Variants in NELL1 observed in about 807,000 individuals in gnomAD.
NELL1 encodes neural EGFL like 1.
In NELL1, 76 loss-of-function variants were observed where a neutral mutation model predicts 107.4. The ratio of observed to expected loss-of-function variants is 0.71; its 90% CI spans 0.59 to 0.86. The LOEUF (loss-of-function observed/expected upper bound fraction) is 0.86. Ranked by LOEUF, NELL1 falls within the 40% of genes least tolerant of loss-of-function variation. NELL1 has a pLI of 0.00. For synonymous variants in NELL1, 353 were observed against 341.2 expected (o/e 1.03, Z -0.38); for missense variants, 1,024 against 1,005.5 (o/e 1.02, Z -0.25).
chr11:21,520,280 A>G (rs761549426), intron 15 of NELL1, among the ~76,000 whole-genome samples: 4 of 152,110 alleles, frequency 2.6e-5, no homozygotes, highest in Admixed American at 6.6e-5. Flanking sequence ...TCAGTTTAAG[A>G]TATCTCAAGT....
chr11:20,723,736 G>A (rs1317279971), intron 2 of NELL1, among the ~76,000 whole-genome samples: 1 of 152,094 alleles, frequency 6.6e-6, no homozygotes, highest in African/African-American at 2.4e-5. Flanking sequence ...ACTCTGTGGG[G>A]GGGGGCTCCA....
chr11:21,328,249 C>T (rs1172146094), intron 14 of NELL1, among the ~76,000 whole-genome samples: 1 of 152,026 alleles, frequency 6.6e-6, no homozygotes, highest in African/African-American at 2.4e-5. Context: ...GTCCTATGTC[C>T]TAGATGTTTC....
In NELL1 at chr11:20,927,340, G is replaced by A. The variant is rs1187958922; in HGVS notation, c.792G>A (p.Leu264=). The A allele has an allele frequency of 1.2e-6, 2 of 1,612,474 alleles. No homozygotes were observed. Among genetic ancestry groups the A allele is most frequent in the Non-Finnish European group, 1.7e-6 (2 of 1,179,586 alleles). ...LNYAETRLSQ[L]ENCHCEKTCQ... ...ATGCAGAGACAAGACTTAGTCAATT[G>A]GAAAACTGTCATTGTGAGAAGACTT... Residue 264 remains leucine, a synonymous_variant, in exon 8 of 20, where the codon TTG becomes TTA. Coordinates refer to ENST00000357134, the MANE Select transcript of NELL1 (RefSeq NM_006157.5).
chr11:20,902,498 C>G (rs901852454), intron 5 of NELL1, among the ~76,000 whole-genome samples: 2 of 151,994 alleles, frequency 1.3e-5, no homozygotes. Context: ...AGTCATTGAG[C>G]AATGGATTCT....
rs143012355 is a variant in NELL1, at chr11:21,306,537, G to A, written c.1550-64316G>A. On this transcript the variant is annotated intron_variant, in intron 14 of 19. Coordinates refer to ENST00000357134, the MANE Select transcript of NELL1 (RefSeq NM_006157.5). ...ACCTCTGCACTAATTGCAGTATGTC[G>A]ATGTTTTTATTTTCTTTCTCATTGG... Among the ~76,000 whole-genome samples, 67 of 152,096 alleles carry A rather than the reference G, an allele frequency of 4.4e-4. No homozygotes were observed. In the East Asian group the frequency reaches 0.011, roughly 26 times the overall value.
intron 12 of NELL1, among the ~76,000 whole-genome samples, chr11:20,985,066 C>T (rs934306818): frequency 3.9e-5 from 6 of 152,230 alleles, no homozygotes; most frequent in African/African-American, 1.4e-4. Flanking sequence ...TTCACCTGGT[C>T]AACTTACAGA....
intron 15 of NELL1, among the ~76,000 whole-genome samples, chr11:21,447,890 T>C (rs1469824930): frequency 6.6e-6 from 1 of 152,160 alleles, no homozygotes; most frequent in Non-Finnish European, 1.5e-5. Context: ...GCAGTGCCAG[T>C]GCTTCCCAGT....
chr11:21,282,991 G>A (rs150953308), intron 14 of NELL1, among the ~76,000 whole-genome samples: 1 of 151,926 alleles, frequency 6.6e-6, no homozygotes, highest in Admixed American at 6.6e-5. Context: ...TGGACTCATG[G>A]AGATAGAAAG....
intron 4 of NELL1, among the ~76,000 whole-genome samples, chr11:20,873,938 ATTTTTTG>A (rs1849254073): frequency 6.6e-6 from 1 of 151,574 alleles, no homozygotes; most frequent in Admixed American, 6.6e-5. Context: ...TAACTTTTTT[ATTTTTTG>A]TAGAGATGTG....
At chr11:21,296,226 T>A (rs1347228088) in intron 14 of NELL1, among the ~76,000 whole-genome samples, 2 of 151,970 alleles carry the variant, frequency 1.3e-5, no homozygotes, top group African/African-American at 2.4e-5. Context: ...AGAAACTATT[T>A]TGGGGAGAAA....
intron 14 of NELL1, among the ~76,000 whole-genome samples, chr11:21,356,552 C>T (rs532580231): frequency 7.2e-5 from 11 of 152,148 alleles, no homozygotes; most frequent in East Asian, 3.9e-4. Context: ...TTGTCCTCCG[C>T]GCAAACACTG....
chr11:21,431,108 G>A (rs973141956), intron 15 of NELL1, among the ~76,000 whole-genome samples: 2 of 152,050 alleles, frequency 1.3e-5, no homozygotes, highest in Non-Finnish European at 2.9e-5. Context: ...GATTCAGAAG[G>A]ATGTTTGAGA....
At chr11:21,362,044 G>A (rs1006091164) in intron 14 of NELL1, among the ~76,000 whole-genome samples, 2 of 152,152 alleles carry the variant, frequency 1.3e-5, no homozygotes, top group Non-Finnish European at 2.9e-5. Flanking sequence ...TGATTTTGAG[G>A]AGTGTTGTAG....
intron 7 of NELL1, among the ~76,000 whole-genome samples, chr11:20,925,195 A>C (rs967073820): frequency 7.9e-5 from 12 of 152,152 alleles, no homozygotes; most frequent in Non-Finnish European, 1.3e-4. Context: ...TCAGCAGTGT[A>C]TTTTATCCGT....
chr11:21,032,485 T>C (rs530978582), intron 12 of NELL1, among the ~76,000 whole-genome samples: 1 of 152,246 alleles, frequency 6.6e-6, no homozygotes, highest in East Asian at 1.9e-4. Context: ...ACCTCCCGGG[T>C]TCAACTGATT....
intron 15 of NELL1, among the ~76,000 whole-genome samples, chr11:21,489,101 C>T (rs1004950394): frequency 6.6e-6 from 1 of 151,792 alleles, no homozygotes; most frequent in Non-Finnish European, 1.5e-5. Flanking sequence ...GGAGACTTTA[C>T]AAGTGATAGC....
At chr11:21,515,189 A>G (rs1000117969) in intron 15 of NELL1, among the ~76,000 whole-genome samples, 72 of 152,328 alleles carry the variant, frequency 4.7e-4, no homozygotes, top group Non-Finnish European at 6.6e-4. Context: ...GTGGTCCTCA[A>G]TAGAAACAAT....
intron 15 of NELL1, among the ~76,000 whole-genome samples, chr11:21,377,564 T>G (rs571131419): frequency 1.3e-4 from 20 of 152,208 alleles, no homozygotes; most frequent in African/African-American, 4.8e-4. Context: ...CTTTGTAGAA[T>G]GAGTTAGGGA....
At chr11:21,154,312 T>C (rs894658358) in intron 13 of NELL1, among the ~76,000 whole-genome samples, 1 of 152,200 alleles carries the variant, frequency 6.6e-6, no homozygotes, top group African/African-American at 2.4e-5. Context: ...TTTCTTACCC[T>C]GGAGGATGGT....
Sources: gnomAD v4.1 joint callset for allele counts (sites outside exome capture counted in the v4.1 genomes callset) on GRCh38, gnomAD v4.1.1 for gene constraint, MANE v1.5 for transcripts, NCBI Gene and HGNC (gene_info 2026-07-23, HGNC 2026-07-21) for gene names.